The following PTK2 variants were observed in gnomAD, a reference collection of about 807,000 sequenced individuals.
PTK2 encodes the protein focal adhesion kinase 1.
PTK2 carries 45 observed loss-of-function variants against 150.1 expected under a neutral mutation model. The ratio of observed to expected loss-of-function variants is 0.30; its 90% CI spans 0.24 to 0.38. The LOEUF (loss-of-function observed/expected upper bound fraction) is 0.38, where lower values mean the gene tolerates loss of function less well. PTK2 is among the 10% of genes least tolerant of loss of function. The pLI, the probability that PTK2 is intolerant of heterozygous loss-of-function variation, is 1.00. For missense variants in PTK2, 919 were observed against 1,307.3 expected (o/e 0.70, Z 4.58); for synonymous variants, 432 against 449.2 (o/e 0.96, Z 0.48).
chr8:140,674,828 C>A (rs945151710), intron 28 of PTK2, among the ~76,000 whole-genome samples: 29 of 151,688 alleles, frequency 1.9e-4, no homozygotes, highest in African/African-American at 6.8e-4. Context: ...CGGGCGGATG[C>A]CTGACCTCAG....
At position 140,675,483 on chromosome 8, in the gene PTK2, A is replaced by G. The variant is rs1589461937; in HGVS notation, c.2579T>C (p.Ile860Thr). Reference sequence around the variant, plus strand: ...ACCTGGTTTACCCACAGGCTGATATATATGTTGGTTTCCAATCTGTGGGAA... The same window carrying G: ...ACCTGGTTTACCCACAGGCTGATATGTATGTTGGTTTCCAATCTGTGGGAA... Residue 860 changes from isoleucine (I) to threonine (T), a missense_variant, in exon 28 of 32, where the codon ATA becomes ACA. Coordinates refer to ENST00000522684, the Ensembl canonical transcript of PTK2. 7 of 1,611,902 alleles carry G rather than the reference A, an allele frequency of 4.3e-6. No homozygotes were observed. In the South Asian group the frequency reaches 7.7e-5, roughly 18 times the overall value.
chr8:140,807,917 G>A (rs1034482309), intron 10 of PTK2, among the ~76,000 whole-genome samples: 2 of 152,166 alleles, frequency 1.3e-5, no homozygotes, highest in East Asian at 3.8e-4. Flanking sequence ...ATCTACAGGA[G>A]GATCACTGTC....
intron 27 of PTK2, among the ~76,000 whole-genome samples, chr8:140,677,134 A>C (rs2100014392): frequency 6.6e-6 from 1 of 152,170 alleles, no homozygotes; most frequent in Admixed American, 6.5e-5. Context: ...TGACCTCTAA[A>C]GGGTTTAAAA....
intron 1 of PTK2, among the ~76,000 whole-genome samples, chr8:140,979,483 C>T (rs1417490487): frequency 6.7e-6 from 1 of 149,888 alleles, no homozygotes; most frequent in East Asian, 1.9e-4. Flanking sequence ...AGTGGCTCAA[C>T]ATCATTACTA....
chr8:140,986,497 T>C (rs529095640), intron 1 of PTK2, among the ~76,000 whole-genome samples: 1 of 152,318 alleles, frequency 6.6e-6, no homozygotes, highest in South Asian at 2.1e-4. Flanking sequence ...GTCAAAGAGA[T>C]AAGCACAGAA....
chr8:140,964,307 G>C (rs142204233), intron 1 of PTK2, among the ~76,000 whole-genome samples: 2 of 152,066 alleles, frequency 1.3e-5, no homozygotes, highest in Non-Finnish European at 2.9e-5. Context: ...GCTCACTGTA[G>C]TCTCAGACAC....
In PTK2 at chr8:140,905,444, T is replaced by C. The variant is rs368776436; in HGVS notation, c.-32-14675A>G. On this transcript the variant is annotated intron_variant, in intron 2 of 31. Coordinates refer to ENST00000522684, the Ensembl canonical transcript of PTK2. ...AAAGACAAAGAAGGGCATTATATAA[T>C]GGTAAAGAGATCAATGCAACAAGAA... Among the ~76,000 whole-genome samples, 8 of 152,036 alleles carry C rather than the reference T, an allele frequency of 5.3e-5. No individual in the cohort carries two copies. In the South Asian group the frequency reaches 1.7e-3, roughly 32 times the overall value.
intron 5 of PTK2, among the ~76,000 whole-genome samples, chr8:140,860,976 C>A (rs2100135737): frequency 1.3e-5 from 2 of 152,182 alleles, no homozygotes; most frequent in African/African-American, 4.8e-5. Flanking sequence ...CAAAAGGATA[C>A]ACAAAATGAA....
intron 5 of PTK2, among the ~76,000 whole-genome samples, chr8:140,859,612 A>G (rs572598895): frequency 6.6e-6 from 1 of 152,302 alleles, no homozygotes; most frequent in Admixed American, 6.5e-5. Flanking sequence ...AGGCCATTAT[A>G]AAGTGACTAA....
At chr8:140,872,445 A>G (rs2100143083) in intron 4 of PTK2, among the ~76,000 whole-genome samples, 1 of 152,206 alleles carries the variant, frequency 6.6e-6, no homozygotes, top group African/African-American at 2.4e-5. Flanking sequence ...AATTGATTAA[A>G]CATTTTTGCC....
At chr8:140,806,447 C>T (rs1271068392) in intron 10 of PTK2, among the ~76,000 whole-genome samples, 1 of 151,980 alleles carries the variant, frequency 6.6e-6, no homozygotes, top group East Asian at 1.9e-4. Context: ...AGCTGAACAT[C>T]ATTATGTTGG....
intron 31 of PTK2, among the ~76,000 whole-genome samples, chr8:140,659,903 C>T (rs1413080965): frequency 6.6e-6 from 1 of 152,108 alleles, no homozygotes; most frequent in East Asian, 1.9e-4. Context: ...TCAGTGCCTC[C>T]ATGAGAAGAA....
chr8:140,659,722 T>A, intron 31 of PTK2, 44 bp from the exon 36 acceptor site: 1 of 1,542,026 alleles, frequency 6.5e-7, no homozygotes, highest in Non-Finnish European at 8.9e-7. Context: ...TTCAGTGATT[T>A]TTTTTTTTCT....
rs2100068764 is a variant in PTK2, at chr8:140,760,464, G to A, written c.1332+701C>T. ...AACCTTAAAAATATTATGCTAAGCA[G>A]AAGCTGATAATAAAAAATCCATATA... On this transcript the variant is annotated intron_variant, in intron 16 of 31. Coordinates refer to ENST00000522684, the Ensembl canonical transcript of PTK2. 2.0e-5 allele frequency among the ~76,000 whole-genome samples: 3 copies of A among 152,126 alleles called. No homozygotes were observed. The South Asian group carries it at 6.2e-4, about 32-fold the overall frequency.
chr8:140,916,775 T>C (rs1257325812), intron 2 of PTK2, among the ~76,000 whole-genome samples: 1 of 152,230 alleles, frequency 6.6e-6, no homozygotes, highest in Non-Finnish European at 1.5e-5. Flanking sequence ...GTACGGCATA[T>C]TGATTAAGAA....
At chr8:140,708,672 T>C (rs1282982676) in intron 23 of PTK2, among the ~76,000 whole-genome samples, 1 of 151,846 alleles carries the variant, frequency 6.6e-6, no homozygotes, top group African/African-American at 2.4e-5. Context: ...AGGAAAAGGG[T>C]ATAAAGAGAG....
chr8:140,797,611 C>CTATA (rs1411469639), intron 12 of PTK2, among the ~76,000 whole-genome samples: 1 of 152,116 alleles, frequency 6.6e-6, no homozygotes, highest in Non-Finnish European at 1.5e-5. Context: ...CTATATTACA[C>CTATA]TATACACTTT....
At chr8:140,836,952 T>C (rs1026989573) in intron 7 of PTK2, among the ~76,000 whole-genome samples, 3 of 152,230 alleles carry the variant, frequency 2.0e-5, no homozygotes, top group African/African-American at 7.2e-5. Context: ...ATTATAGTTC[T>C]CTAATTTGGG....
At chr8:140,900,156 A>C (rs933904179) in intron 2 of PTK2, among the ~76,000 whole-genome samples, 10 of 152,214 alleles carry the variant, frequency 6.6e-5, no homozygotes, top group African/African-American at 2.4e-4. Flanking sequence ...AAGATGTCAA[A>C]TTAGTTTCGT....
Sources: gnomAD v4.1 joint callset for allele counts (sites outside exome capture counted in the v4.1 genomes callset) on GRCh38, gnomAD v4.1.1 for gene constraint, MANE v1.5 for transcripts, NCBI Gene and HGNC (gene_info 2026-07-23, HGNC 2026-07-21) for gene names.